The following TSHZ2 variants were observed in gnomAD, a reference collection of about 807,000 sequenced individuals.
TSHZ2 encodes the protein teashirt homolog 2.
Under a neutral mutation model 74.4 loss-of-function variants are expected in TSHZ2, and 21 were observed. That is an observed-to-expected ratio of 0.28 (90% CI 0.20 to 0.41). The LOEUF is 0.41. Ranked by LOEUF, TSHZ2 falls within the 10% of genes least tolerant of loss-of-function variation. TSHZ2 has a pLI of 1.00. For synonymous variants in TSHZ2, 540 were observed against 515.3 expected (o/e 1.05, Z -0.65); for missense variants, 1,244 against 1,293.5 (o/e 0.96, Z 0.59).
At chr20:53,147,978 T>G (rs1402539645) in intron 1 of TSHZ2, among the ~76,000 whole-genome samples, 2 of 152,200 alleles carry the variant, frequency 1.3e-5, no homozygotes, top group African/African-American at 2.4e-5. Context: ...CCACCTAAAG[T>G]GCTGGGATTA....
At chr20:52,992,123 G>A (rs999517827) in intron 1 of TSHZ2, among the ~76,000 whole-genome samples, 1 of 152,138 alleles carries the variant, frequency 6.6e-6, no homozygotes, top group Non-Finnish European at 1.5e-5. Flanking sequence ...ACACCCTATT[G>A]TAATGTCTAT....
intron 1 of TSHZ2, among the ~76,000 whole-genome samples, chr20:53,070,186 G>A (rs189084544): frequency 7.9e-5 from 12 of 152,198 alleles, no homozygotes; most frequent in Admixed American, 7.8e-4. Flanking sequence ...TAAAAATACT[G>A]TTATATAAGA....
At chr20:53,462,156 A>G (rs1985396587) in intron 2 of TSHZ2, among the ~76,000 whole-genome samples, 1 of 152,144 alleles carries the variant, frequency 6.6e-6, no homozygotes, top group South Asian at 2.1e-4. Context: ...TGGGAGGTTG[A>G]GGTGGAAGAA....
intron 1 of TSHZ2, among the ~76,000 whole-genome samples, chr20:53,023,707 C>A (rs1261211606): frequency 6.6e-6 from 1 of 151,874 alleles, no homozygotes; most frequent in Admixed American, 6.6e-5. Context: ...AAAACAACAG[C>A]AGCCAAAGCC....
chr20:53,219,125 T>C (rs779592218), intron 1 of TSHZ2, among the ~76,000 whole-genome samples: 18 of 152,208 alleles, frequency 1.2e-4, no homozygotes, highest in Non-Finnish European at 2.4e-4. Context: ...TTTCTCAGTA[T>C]TTCCATAGAA....
intron 2 of TSHZ2, among the ~76,000 whole-genome samples, chr20:53,404,439 A>G (rs1484023259): frequency 6.6e-6 from 1 of 152,234 alleles, no homozygotes; most frequent in Admixed American, 6.5e-5. Context: ...CTGAATACCC[A>G]TTCCTTTTCA....
At chr20:53,125,214 T>C (rs927217841) in intron 1 of TSHZ2, among the ~76,000 whole-genome samples, 7 of 152,196 alleles carry the variant, frequency 4.6e-5, no homozygotes, top group African/African-American at 1.7e-4. Flanking sequence ...TTACTAATGG[T>C]TTATATTATT....
chr20:53,467,564 A>C (rs1600663676), intron 2 of TSHZ2, among the ~76,000 whole-genome samples: 1 of 152,354 alleles, frequency 6.6e-6, no homozygotes, highest in Non-Finnish European at 1.5e-5. Context: ...AGTACTATAT[A>C]TTATTATCCT....
At chr20:53,478,016 G>A (rs1275515635) in intron 2 of TSHZ2, among the ~76,000 whole-genome samples, 1 of 141,274 alleles carries the variant, frequency 7.1e-6, no homozygotes, top group Non-Finnish European at 1.5e-5. Context: ...GAAACAACAG[G>A]TGCTGGAGAG....
chr20:53,261,955 C>A (rs1990608631), intron 2 of TSHZ2, among the ~76,000 whole-genome samples: 1 of 152,144 alleles, frequency 6.6e-6, no homozygotes, highest in African/African-American at 2.4e-5. Flanking sequence ...TAGGTGGTTG[C>A]AGATGAGGAG....
intron 2 of TSHZ2, among the ~76,000 whole-genome samples, chr20:53,313,141 G>C (rs1392966492): frequency 6.6e-6 from 1 of 152,200 alleles, no homozygotes; most frequent in Non-Finnish European, 1.5e-5. Context: ...TCATTTAGCA[G>C]AAACCTTCAG....
chr20:53,472,868 C>A (rs931448842), intron 2 of TSHZ2, among the ~76,000 whole-genome samples: 2 of 152,006 alleles, frequency 1.3e-5, no homozygotes, highest in Non-Finnish European at 2.9e-5. Context: ...TCAGGGAGTT[C>A]CCTTTCCGAG....
intron 2 of TSHZ2, among the ~76,000 whole-genome samples, chr20:53,257,661 C>T (rs1365822774): frequency 6.6e-6 from 1 of 152,186 alleles, no homozygotes; most frequent in Non-Finnish European, 1.5e-5. Context: ...TGCCCGCATA[C>T]ACTAAGGGCC....
chr20:53,001,589 C>T (rs1001833645), intron 1 of TSHZ2, among the ~76,000 whole-genome samples: 22 of 152,066 alleles, frequency 1.4e-4, no homozygotes, highest in African/African-American at 5.1e-4. Context: ...AATAAGGAAG[C>T]GAAAAAATCA....
chr20:53,324,604 G>A (rs6091663), intron 2 of TSHZ2, among the ~76,000 whole-genome samples: 2,534 of 152,152 alleles, frequency 0.017, 61 homozygotes, highest in African/African-American at 0.056. Context: ...TCGAACTCTT[G>A]AGCTCAAGTG....
chr20:53,454,515 T>C (rs904264475), intron 2 of TSHZ2, among the ~76,000 whole-genome samples: 1 of 151,230 alleles, frequency 6.6e-6, no homozygotes, highest in Non-Finnish European at 1.5e-5. Context: ...TGAGCTGAGA[T>C]CGTACCACTG....
intron 1 of TSHZ2, among the ~76,000 whole-genome samples, chr20:53,186,879 G>T (rs188741078): frequency 6.6e-6 from 1 of 152,100 alleles, no homozygotes; most frequent in African/African-American, 2.4e-5. Flanking sequence ...GGGGCAGTGT[G>T]TGCGCAGGGA....
At chr20:53,372,664 G>A (rs148161402) in intron 2 of TSHZ2, among the ~76,000 whole-genome samples, 78 of 152,212 alleles carry the variant, frequency 5.1e-4, no homozygotes, top group Non-Finnish European at 1.0e-3. Flanking sequence ...TTTCCATTCA[G>A]CCATTTTCTT....
rs369371699 is a variant in TSHZ2, at chr20:53,157,406, G to GTTTT, written c.41-96079_41-96076dup. On this transcript the variant is annotated intron_variant, in intron 1 of 2. Coordinates refer to ENST00000371497, the MANE Select transcript of TSHZ2 (RefSeq NM_173485.6). ...TGTTCTATCCTCCAACATTGAGTTG[G>GTTTT]TTTTTTTTTTTTTTTTTAGAGACAG... Among the ~76,000 whole-genome samples, 63 of 134,806 alleles carry GTTTT rather than the reference G, an allele frequency of 4.7e-4. 1 individual carries two copies. The highest frequency in any genetic ancestry group is 1.6e-3 in the African/African-American group (58 of 36,244). 88.4% of individuals were successfully genotyped at this position (134,806 alleles called of 152,430 possible).
Sources: allele counts gnomAD v4.1 joint callset (sites outside exome capture counted in the v4.1 genomes callset), GRCh38; gene constraint gnomAD v4.1.1; transcripts MANE v1.5; gene names NCBI Gene and HGNC (gene_info 2026-07-23, HGNC 2026-07-21).